The following WDR25 variants were observed in gnomAD, a reference collection of about 807,000 sequenced individuals.
The protein encoded by WDR25 is WD repeat-containing protein 25.
In WDR25, 35 loss-of-function variants were observed where a neutral mutation model predicts 47.7. The observed-to-expected ratio is 0.73, with a 90% CI of 0.56 to 0.97. The LOEUF (loss-of-function observed/expected upper bound fraction) is 0.97. WDR25 is among the 50% of genes least tolerant of loss of function. WDR25 has a pLI of 0.00. For synonymous variants in WDR25, 248 were observed against 278.9 expected, an observed-to-expected ratio of 0.89 and a Z score of 1.10; for missense variants, 634 against 704.7, an observed-to-expected ratio of 0.90 and a Z score of 1.14.
At chr14:100,454,569 A>T (rs1899140814) in intron 2 of WDR25, 1 of 641,854 alleles carries the variant, frequency 1.6e-6, no homozygotes, top group Admixed American at 2.3e-5. Context: ...AAAAAAAAGC[A>T]GGCAGAGACT....
rs563701599 is a variant in WDR25 at position 100,501,482 on chromosome 14, C to T, written c.1101+17358C>T. 1.4e-4 allele frequency among the ~76,000 whole-genome samples: 21 copies of T among 152,312 alleles called. 1 individual carries two copies. The South Asian group carries it at 3.3e-3, about 24-fold the overall frequency. On this transcript the variant is annotated intron_variant, in intron 4 of 6. Transcript: ENST00000402312. ...CCAAAACATCAAGTGCCTGTGCTTT[C>T]GGCTGAAGATGTTCTAACCCAGTGC...
rs1312107869 is a variant in WDR25 at position 100,440,622 on chromosome 14, G to A, written c.823-27399G>A. On this transcript the variant is annotated intron_variant, in intron 2 of 6. Coordinates refer to ENST00000402312, the MANE Select transcript of WDR25 (RefSeq NM_001161476.3). The surrounding 1 kb of genome is among the most constrained non-coding windows in gnomAD (Gnocchi z 4.4). ...GCCCAGGCTGCCCTGGCTGCTATAC[G>A]CATCCTTCCAGGCAACCTTCACCTT... Among the ~76,000 whole-genome samples, 1 of 152,188 alleles carries A rather than the reference G, an allele frequency of 6.6e-6. No homozygotes were observed. Among genetic ancestry groups the A allele is most frequent in the Non-Finnish European group, 1.5e-5 (1 of 68,016 alleles).
Position 100,448,813 on chromosome 14 carries a change from C to T in WDR25, c.823-19208C>T, listed in dbSNP as rs115406183. On this transcript the variant is annotated intron_variant, in intron 2 of 6. Transcript: ENST00000402312. ...CTAGCTGCATGGAGACCTATGGGAACATCCACTGGACCTTAACTTGGCTTA... is the reference window on the plus strand; with the variant it reads ...CTAGCTGCATGGAGACCTATGGGAATATCCACTGGACCTTAACTTGGCTTA... Among the ~76,000 whole-genome samples, 683 of 152,166 alleles carry T rather than the reference C, an allele frequency of 4.5e-3. 4 individuals carry two copies. The highest frequency in any genetic ancestry group is 0.016 in the African/African-American group (665 of 41,508).
intron 4 of WDR25, among the ~76,000 whole-genome samples, chr14:100,514,588 A>G (rs1901430534): frequency 1.3e-5 from 2 of 151,778 alleles, no homozygotes; most frequent in South Asian, 4.2e-4. Flanking sequence ...AAGTCACATT[A>G]TATCTCTTTT....
At chr14:100,486,893 T>C (rs527398243) in intron 4 of WDR25, among the ~76,000 whole-genome samples, 1 of 152,216 alleles carries the variant, frequency 6.6e-6, no homozygotes, top group East Asian at 1.9e-4. Context: ...CAGAATCATA[T>C]GATAACATTG....
At chr14:100,380,812 T>C (rs1233570032) in intron 1 of WDR25, 98 bp from the exon 2 acceptor site, 1 of 1,145,890 alleles carries the variant, frequency 8.7e-7, no homozygotes, top group African/African-American at 1.6e-5. Context: ...TTCTTATGAG[T>C]GTTGAGTTAT....
At chr14:100,496,828 CTT>C (rs1226765543) in intron 4 of WDR25, among the ~76,000 whole-genome samples, 5,771 of 73,566 alleles carry the variant, frequency 0.078, 474 homozygotes, top group African/African-American at 0.26. Context: ...TTCTTTAATT[CTT>C]TTTTTTTTTT....
intron 2 of WDR25, among the ~76,000 whole-genome samples, chr14:100,441,677 G>C (rs1898674905): frequency 6.6e-6 from 1 of 152,176 alleles, no homozygotes; most frequent in Admixed American, 6.5e-5. Flanking sequence ...TCTTGGTCTT[G>C]GTTTCCTTAT....
intron 4 of WDR25, among the ~76,000 whole-genome samples, chr14:100,486,062 G>A (rs555956619): frequency 4.1e-5 from 6 of 147,350 alleles, no homozygotes; most frequent in South Asian, 2.1e-4. Flanking sequence ...AAAAAAAACC[G>A]CCAAAACACG....
At chr14:100,398,258 C>T (rs181732076) in intron 2 of WDR25, among the ~76,000 whole-genome samples, 136 of 152,248 alleles carry the variant, frequency 8.9e-4, no homozygotes, top group African/African-American at 3.2e-3. Flanking sequence ...CATGTCACTC[C>T]TTTTGTTCTT....
At chr14:100,476,868 T>A (rs1172163751) in intron 3 of WDR25, among the ~76,000 whole-genome samples, 1 of 152,196 alleles carries the variant, frequency 6.6e-6, no homozygotes, top group Non-Finnish European at 1.5e-5. Context: ...CATGAGCTTC[T>A]CTTTTCTCTC....
intron 2 of WDR25, among the ~76,000 whole-genome samples, chr14:100,388,880 C>T (rs1229142080): frequency 6.6e-6 from 1 of 152,246 alleles, no homozygotes; most frequent in African/African-American, 2.4e-5. Flanking sequence ...TGTGAAGGTG[C>T]AGCCTCTGTC....
At chr14:100,389,672 G>A (rs946590019) in intron 2 of WDR25, among the ~76,000 whole-genome samples, 1 of 152,224 alleles carries the variant, frequency 6.6e-6, no homozygotes, top group Admixed American at 6.5e-5. Context: ...CTTGGCAGAG[G>A]ACAGCGTACC....
intron 2 of WDR25, among the ~76,000 whole-genome samples, chr14:100,439,778 A>T (rs775900464): frequency 2.0e-5 from 3 of 152,230 alleles, no homozygotes; most frequent in Admixed American, 6.5e-5. Context: ...TATATTTTTC[A>T]CACTCTCCAT....
intron 2 of WDR25, among the ~76,000 whole-genome samples, chr14:100,423,992 G>C (rs1308528750): frequency 6.6e-6 from 1 of 152,244 alleles, no homozygotes; most frequent in African/African-American, 2.4e-5. Flanking sequence ...TGCCCAGGAT[G>C]GGCTTGGTGC....
chr14:100,435,076 T>C (rs1399331141), intron 2 of WDR25, among the ~76,000 whole-genome samples: 5 of 152,140 alleles, frequency 3.3e-5, no homozygotes, highest in Non-Finnish European at 5.9e-5. Context: ...CACCAGGCGT[T>C]GTGTCTTTTC....
chr14:100,420,709 T>A (rs1483369387), intron 2 of WDR25, among the ~76,000 whole-genome samples: 1 of 152,182 alleles, frequency 6.6e-6, no homozygotes, highest in Non-Finnish European at 1.5e-5. Flanking sequence ...AGCTGTCCCA[T>A]GATGTGGTGT....
At chr14:100,451,122 G>A (rs1295503107) in intron 2 of WDR25, among the ~76,000 whole-genome samples, 1 of 152,214 alleles carries the variant, frequency 6.6e-6, no homozygotes, top group East Asian at 1.9e-4. Context: ...CTGAGTCGGG[G>A]AGGGACGCTT....
intron 3 of WDR25, chr14:100,481,396 G>C: frequency 1.1e-6 from 1 of 870,606 alleles, no homozygotes; most frequent in Admixed American, 2.4e-5. Flanking sequence ...ACATTTTTAA[G>C]AAGGAGGGAA....
Sources: gnomAD v4.1 joint callset for allele counts (sites outside exome capture counted in the v4.1 genomes callset) on GRCh38, gnomAD v4.1.1 for gene constraint, Gnocchi (gnomAD v3.1) non-coding constraint, MANE v1.5 for transcripts, NCBI Gene and HGNC (gene_info 2026-07-23, HGNC 2026-07-21) for gene names.